Variants in CPLX2 observed in about 807,000 individuals in gnomAD.
CPLX2 encodes complexin-2.
Under a neutral mutation model 16.3 loss-of-function variants are expected in CPLX2, and 5 were observed. That is an observed-to-expected ratio of 0.31 (90% CI 0.16 to 0.64). The LOEUF (loss-of-function observed/expected upper bound fraction) is 0.64, where lower values mean the gene tolerates loss of function less well. Ranked by LOEUF, CPLX2 falls within the 30% of genes least tolerant of loss-of-function variation. CPLX2 has a pLI of 0.79. For missense variants in CPLX2, 144 were observed against 181.4 expected (o/e 0.79, Z 1.18); for synonymous variants, 89 against 73.2 (o/e 1.22, Z -1.10).
At chr5:175,878,598 C>A in intron 1 of CPLX2, 54 bp from the exon 2 acceptor site, 4 of 924,808 alleles carry the variant, frequency 4.3e-6, no homozygotes, top group Non-Finnish European at 6.8e-6. Context: ...CCTAGCTCCC[C>A]CGCCCTGCCT....
chr5:175,853,924 T>A (rs187758782), intron 2 of CPLX2, among the ~76,000 whole-genome samples: 137 of 152,294 alleles, frequency 9.0e-4, no homozygotes, highest in African/African-American at 3.0e-3. Flanking sequence ...ACAGCACCCC[T>A]GGCCCATGGC....
chr5:175,817,327 G>A (rs921896316), intron 2 of CPLX2, among the ~76,000 whole-genome samples: 3 of 152,146 alleles, frequency 2.0e-5, no homozygotes, highest in South Asian at 4.1e-4. Flanking sequence ...CAGCTTTATC[G>A]CCTGTCTAAT....
rs1355547520 is a variant in CPLX2 at position 175,849,163 on chromosome 5, G to A, written c.-88-29489G>A. 1.3e-5 allele frequency among the ~76,000 whole-genome samples: 2 copies of A among 152,140 alleles called. No individual in the cohort carries two copies. Among genetic ancestry groups the A allele is most frequent in the Non-Finnish European group, 2.9e-5 (2 of 68,018 alleles). ...CCAGCCAGTGCTGCCGTGTGTGCAG[G>A]ACCGATGTCCACACTTCACAGGTGG... On this transcript the variant is annotated intron_variant, in intron 2 of 4. Transcript: ENST00000359546. This position sits in a 1 kb window ranked among gnomAD's most constrained non-coding sequence, Gnocchi z 4.4.
chr5:175,826,265 T>C (rs1187716559), intron 2 of CPLX2, among the ~76,000 whole-genome samples: 1 of 151,996 alleles, frequency 6.6e-6, no homozygotes, highest in African/African-American at 2.4e-5. Context: ...TTTCAGATAG[T>C]GTAGACAGAT....
chr5:175,845,327 T>C lies in CPLX2; in HGVS notation c.-88-33325T>C, dbSNP rs947683899. ...GGGACCCGCAAGGCCCCACATCACC[T>C]GGCTCCTGCGGCCTCTCCGGCCTCA... On this transcript the variant is annotated intron_variant, in intron 2 of 4. Coordinates refer to the CPLX2 transcript ENST00000359546. The surrounding 1 kb of genome is among the most constrained non-coding windows in gnomAD (Gnocchi z 4.0). 6.6e-6 allele frequency among the ~76,000 whole-genome samples: 1 copy of C among 152,212 alleles called. No individual in the cohort carries two copies. Among genetic ancestry groups the C allele is most frequent in the Non-Finnish European group, 1.5e-5 (1 of 68,040 alleles).
At chr5:175,827,399 T>C (rs1241405283) in intron 2 of CPLX2, among the ~76,000 whole-genome samples, 2 of 152,166 alleles carry the variant, frequency 1.3e-5, no homozygotes, top group African/African-American at 4.8e-5. Flanking sequence ...CCCTCTTCTT[T>C]CCAGCATCTG....
At chr5:175,820,795 T>C (rs1758492469) in intron 2 of CPLX2, among the ~76,000 whole-genome samples, 2 of 151,920 alleles carry the variant, frequency 1.3e-5, no homozygotes, top group Admixed American at 6.6e-5. Context: ...CTTCATGGAG[T>C]TTCCTCTGCA....
At chr5:175,817,260 G>A (rs557084277) in intron 2 of CPLX2, among the ~76,000 whole-genome samples, 36 of 152,368 alleles carry the variant, frequency 2.4e-4, no homozygotes, top group African/African-American at 8.4e-4. Context: ...TCAAATTCCA[G>A]TTCTTTCCTA....
At chr5:175,811,865 C>T (rs1758318133) in intron 2 of CPLX2, among the ~76,000 whole-genome samples, 1 of 152,232 alleles carries the variant, frequency 6.6e-6, no homozygotes, top group Non-Finnish European at 1.5e-5. Flanking sequence ...TCTATTGGAA[C>T]TCTGCCAGGA....
chr5:175,832,415 G>C, intron 2 of CPLX2, among the ~76,000 whole-genome samples: 1 of 152,236 alleles, frequency 6.6e-6, no homozygotes, highest in East Asian at 1.9e-4. Context: ...AGCCAAACCA[G>C]CTCCGTGTGA....
At chr5:175,838,104 C>T (rs2113665365) in intron 2 of CPLX2, among the ~76,000 whole-genome samples, 1 of 152,144 alleles carries the variant, frequency 6.6e-6, no homozygotes, top group Non-Finnish European at 1.5e-5. Context: ...GAGATGTGTT[C>T]CCCAAGAAAT....
chr5:175,860,603 GA>G (rs1759354999), intron 2 of CPLX2, among the ~76,000 whole-genome samples: 1 of 147,418 alleles, frequency 6.8e-6, no homozygotes, highest in Non-Finnish European at 1.5e-5. Context: ...AGGAAGGAAG[GA>G]AGGAAGGAAG....
chr5:175,864,285 A>G (rs57108113), intron 2 of CPLX2, among the ~76,000 whole-genome samples: 3,836 of 152,258 alleles, frequency 0.025, 157 homozygotes, highest in African/African-American at 0.087. Context: ...GCCAGTGCCC[A>G]TGGCTGCCAC....
intron 1 of CPLX2, among the ~76,000 whole-genome samples, chr5:175,802,590 C>T (rs544898261): frequency 3.9e-5 from 6 of 152,122 alleles, no homozygotes; most frequent in African/African-American, 1.2e-4. Context: ...CAAAAGGCTC[C>T]GAGGAACTCA....
chr5:175,880,351 T>C lies in CPLX2; in HGVS notation c.*306T>C, dbSNP rs372376813. 5.1e-5 allele frequency: 22 copies of C among 432,654 alleles called. No homozygotes were observed. In the East Asian group the frequency reaches 1.0e-3, roughly 20 times the overall value. The allele number at this position is 432,654 out of a possible 1,614,324, so 26.8% of individuals were successfully genotyped here. A position where few individuals can be genotyped will look rare whatever the true frequency, so the allele number is the denominator to read the frequency against. On this transcript the variant is annotated 3_prime_UTR_variant, in exon 4 of 4. Coordinates refer to ENST00000393745, the MANE Select transcript of CPLX2 (RefSeq NM_001008220.2). ...GTGGTGACCCCCATACATTCCTCCC[T>C]GCTCCCCACTGCCAGGAGGACCACT...
chr5:175,812,851 T>C (rs1758338076), intron 2 of CPLX2, among the ~76,000 whole-genome samples: 1 of 152,256 alleles, frequency 6.6e-6, no homozygotes, highest in Non-Finnish European at 1.5e-5. Flanking sequence ...GTTGTATATG[T>C]TGGATTTCCT....
chr5:175,871,350 GGAGGGAGA>G (rs1314231398), upstream of CPLX2: 5 of 143,474 alleles, frequency 3.5e-5, no homozygotes, highest in Admixed American at 6.9e-5. Context: ...GAGACGGGAG[GGAGGGAGA>G]GAGGGAGAGA....
rs146000134 is a variant in CPLX2, at chr5:175,834,138, C to G, written c.-89+25070C>G. On this transcript the variant is annotated intron_variant, in intron 2 of 4. Transcript: ENST00000359546. ...AGGAAGGCCTGCCTCTGGATGCCAG[C>G]TCTGCCACTGATGTAGCTTGGCAAG... is the stretch of plus-strand genomic sequence containing the variant. 7.8e-4 allele frequency among the ~76,000 whole-genome samples: 119 copies of G among 152,358 alleles called. 2 individuals are homozygous for G. In the East Asian group the frequency reaches 0.015, roughly 19 times the overall value.
chr5:175,865,731 A>C (rs1000495112), intron 2 of CPLX2, among the ~76,000 whole-genome samples: 2 of 152,210 alleles, frequency 1.3e-5, no homozygotes, highest in Admixed American at 1.3e-4. Flanking sequence ...CTATTGACCC[A>C]GGGCAAGGGT....
Sources: gnomAD v4.1 joint callset for allele counts (sites outside exome capture counted in the v4.1 genomes callset) on GRCh38, gnomAD v4.1.1 for gene constraint, Gnocchi (gnomAD v3.1) non-coding constraint, MANE v1.5 for transcripts, NCBI Gene and HGNC (gene_info 2026-07-23, HGNC 2026-07-21) for gene names.